Variants in TNRC6C observed in about 807,000 individuals in gnomAD.
The protein encoded by TNRC6C is trinucleotide repeat containing adaptor 6C.
In TNRC6C, 20 loss-of-function variants were observed where a neutral mutation model predicts 153.7. That is an observed-to-expected ratio of 0.13 (90% CI 0.09 to 0.19). The LOEUF (loss-of-function observed/expected upper bound fraction) is 0.19, where lower values mean the gene tolerates loss of function less well. Among genes scored for constraint, TNRC6C ranks in the 10% least tolerant of loss-of-function variants. TNRC6C has a pLI of 1.00. For missense variants in TNRC6C, 1,987 were observed against 2,172.0 expected, an observed-to-expected ratio of 0.91 and a Z score of 1.69; for synonymous variants, 811 against 841.4, an observed-to-expected ratio of 0.96 and a Z score of 0.63.
chr17:77,961,044 AAC>A (rs751339423), intron 1 of TNRC6C, among the ~76,000 whole-genome samples: 5 of 152,068 alleles, frequency 3.3e-5, no homozygotes, highest in East Asian at 1.9e-4. Context: ...GGTAATAGTA[AAC>A]ACACACACAC....
intron 2 of TNRC6C, among the ~76,000 whole-genome samples, chr17:78,044,211 A>G (rs1469921359): frequency 2.0e-5 from 3 of 151,942 alleles, no homozygotes; most frequent in African/African-American, 7.3e-5. Context: ...TGAATAGATA[A>G]CCCAGTATTT....
intron 17 of TNRC6C, 145 bp downstream of exon 20, chr17:78,098,682 A>G: frequency 3.6e-6 from 3 of 837,936 alleles, no homozygotes; most frequent in Non-Finnish European, 5.4e-6. Flanking sequence ...GGGCCACCCT[A>G]GATGTCCATC....
chr17:78,107,275 TTTG>T (rs2144706567), exon 20 of TNRC6C: 1 of 152,314 alleles, frequency 6.6e-6, no homozygotes, highest in African/African-American at 2.4e-5. Flanking sequence ...TTGTTTGTTT[TTTG>T]TTTTTTTTAC....
At chr17:77,980,480 G>A (rs959086047) in intron 1 of TNRC6C, among the ~76,000 whole-genome samples, 9 of 152,108 alleles carry the variant, frequency 5.9e-5, no homozygotes, top group Non-Finnish European at 7.4e-5. Flanking sequence ...CAGCTGGGTC[G>A]GTCTCAACAC....
At chr17:78,056,868 A>AGACGGAGTCTCGCTCTGTCGCCCAGGC (rs1567942722) in intron 3 of TNRC6C, among the ~76,000 whole-genome samples, 3 of 138,460 alleles carry the variant, frequency 2.2e-5, no homozygotes, top group Non-Finnish European at 4.8e-5. Context: ...TCTCTTTTAT[A>AGACGGAGTCTCGCTCTGTCGCCCAGGC]TGAAAAATAT....
chr17:77,980,454 G>C (rs2071059335), intron 1 of TNRC6C, among the ~76,000 whole-genome samples: 2 of 152,302 alleles, frequency 1.3e-5, no homozygotes, highest in Middle Eastern at 3.4e-3. Flanking sequence ...CAAGCAGTCA[G>C]TTCTGCAGTG....
intron 2 of TNRC6C, among the ~76,000 whole-genome samples, chr17:78,035,848 G>A (rs2072167529): frequency 2.0e-5 from 3 of 152,114 alleles, no homozygotes; most frequent in Non-Finnish European, 1.5e-5. Flanking sequence ...CGCAGTGAAA[G>A]TATTTTTAGA....
At chr17:78,071,726 A>G (rs2144297505) in intron 6 of TNRC6C, among the ~76,000 whole-genome samples, 1 of 152,296 alleles carries the variant, frequency 6.6e-6, no homozygotes, top group South Asian at 2.1e-4. Context: ...ATTGGTTTAT[A>G]CAGTTTTATG....
rs1454818955 is a variant in TNRC6C at position 78,102,961 on chromosome 17, AC to A, written c.4572+421del. 3 of 229,170 alleles carry A rather than the reference AC, an allele frequency of 1.3e-5. No individual in the cohort carries two copies. The East Asian group carries it at 3.7e-4, about 28-fold the overall frequency. The allele number at this position is 229,170 out of a possible 1,614,324, so 14.2% of individuals were successfully genotyped here. A position where few individuals can be genotyped will look rare whatever the true frequency, so the allele number is the denominator to read the frequency against. On this transcript the variant is annotated intron_variant, in intron 18 of 19. Transcript: ENST00000301624. ...AGACCAGCCTGGGCAACATAGCAAGACCCCATGTGTGTATTTTTATAACATT... is the reference window on the plus strand; with the variant it reads ...AGACCAGCCTGGGCAACATAGCAAGACCCATGTGTGTATTTTTATAACATT...
chr17:78,043,305 C>T (rs980649682), intron 2 of TNRC6C, among the ~76,000 whole-genome samples: 2 of 152,156 alleles, frequency 1.3e-5, no homozygotes, highest in African/African-American at 2.4e-5. Context: ...TGCAGCCTAT[C>T]CCAAGAAGTG....
chr17:78,094,440 CTTT>C lies in TNRC6C; in HGVS notation c.4306+691_4306+693del, dbSNP rs199858938. 3.0e-4 allele frequency among the ~76,000 whole-genome samples: 41 copies of C among 136,908 alleles called. No individual in the cohort carries two copies. In the East Asian group the frequency reaches 5.5e-3, roughly 18 times the overall value. The allele number at this position is 136,908 out of a possible 152,430, so 89.8% of individuals were successfully genotyped here. ...TGTTTTGTGTTTGCTTCTTTTGTTT[CTTT>C]TTTTTTTTTTTTTGAGACAGATTCT... On this transcript the variant is annotated intron_variant, in intron 16 of 19. Coordinates refer to ENST00000301624, the Ensembl canonical transcript of TNRC6C.
At chr17:78,046,915 G>C (rs1229890678) in intron 2 of TNRC6C, among the ~76,000 whole-genome samples, 3 of 152,182 alleles carry the variant, frequency 2.0e-5, no homozygotes, top group Non-Finnish European at 2.9e-5. Flanking sequence ...CCTCAAAGTA[G>C]ACCATTAACA....
intron 1 of TNRC6C, among the ~76,000 whole-genome samples, chr17:78,020,136 C>A (rs1403295105): frequency 6.6e-6 from 1 of 152,182 alleles, no homozygotes; most frequent in Admixed American, 6.5e-5. Flanking sequence ...TCAACTGGGT[C>A]AGAATTCCGC....
intron 11 of TNRC6C, among the ~76,000 whole-genome samples, chr17:78,084,989 G>C (rs887655782): frequency 6.6e-6 from 1 of 152,144 alleles, no homozygotes; most frequent in Non-Finnish European, 1.5e-5. Flanking sequence ...GAATCGCTGT[G>C]GGGAGGCAGT....
intron 3 of TNRC6C, among the ~76,000 whole-genome samples, chr17:78,062,983 C>T (rs2072798062): frequency 6.6e-6 from 1 of 152,134 alleles, no homozygotes; most frequent in African/African-American, 2.4e-5. Context: ...CGGTAACTCA[C>T]ATCTGTAATC....
chr17:78,053,725 T>C (rs1324221277), intron 3 of TNRC6C, among the ~76,000 whole-genome samples: 5 of 152,116 alleles, frequency 3.3e-5, no homozygotes, highest in African/African-American at 4.8e-5. Flanking sequence ...TAGAGTTTAA[T>C]TAGCATTATA....
At chr17:78,069,578 CAG>C (rs2072951193) in intron 5 of TNRC6C, among the ~76,000 whole-genome samples, 1 of 152,080 alleles carries the variant, frequency 6.6e-6, no homozygotes, top group South Asian at 2.1e-4. Context: ...TCTGTAGAGA[CAG>C]AGTCTCACTT....
chr17:77,981,082 C>T (rs149087499), intron 1 of TNRC6C, among the ~76,000 whole-genome samples: 2,113 of 152,212 alleles, frequency 0.014, 25 homozygotes, highest in Non-Finnish European at 0.02. Flanking sequence ...CTCAAGCCAT[C>T]CTCCCACCTC....
At position 78,104,064 on chromosome 17, in the gene TNRC6C, A is replaced by C. The variant is rs534466071; in HGVS notation, c.4713-421A>C. Among the ~76,000 whole-genome samples the C allele has an allele frequency of 6.6e-6, 1 of 152,198 alleles. No homozygotes were observed. Among genetic ancestry groups the C allele is most frequent in the Admixed American group, 6.5e-5 (1 of 15,294 alleles). On this transcript the variant is annotated intron_variant, in intron 19 of 19. Coordinates refer to ENST00000301624, the Ensembl canonical transcript of TNRC6C. The surrounding 1 kb of genome is among the most constrained non-coding windows in gnomAD (Gnocchi z 6.2). ...TTGCTGTGTCTACTCCCTCCCTGTG[A>C]CACATTCCTACACAGGGCCCAGCAG... is the stretch of plus-strand genomic sequence containing the variant.
Sources: gnomAD v4.1 joint callset for allele counts (sites outside exome capture counted in the v4.1 genomes callset) on GRCh38, gnomAD v4.1.1 for gene constraint, Gnocchi (gnomAD v3.1) non-coding constraint, MANE v1.5 for transcripts, NCBI Gene and HGNC (gene_info 2026-07-23, HGNC 2026-07-21) for gene names.